POU3F3: variants seen among roughly 807,000 people sequenced by gnomAD.
POU3F3 encodes the protein POU domain, class 3, transcription factor 3.
Under a neutral mutation model 8.6 loss-of-function variants are expected in POU3F3, and 1 was observed. The ratio of observed to expected loss-of-function variants is 0.12; its 90% confidence interval spans 0.04 to 0.55. The LOEUF (loss-of-function observed/expected upper bound fraction) is 0.55. Ranked by LOEUF, POU3F3 falls within the 20% of genes least tolerant of loss-of-function variation. POU3F3 has a pLI of 0.91. For synonymous variants in POU3F3, 418 were observed against 327.4 expected, an observed-to-expected ratio of 1.28 and a Z score of -2.99; for missense variants, 577 against 690.7, an observed-to-expected ratio of 0.84 and a Z score of 1.84.
At chr2:104,923,583 C>A in the POU3F3 span, among the ~76,000 whole-genome samples, 1 of 151,990 alleles carries the variant, frequency 6.6e-6, no homozygotes, top group Non-Finnish European at 1.5e-5. Flanking sequence ...ACAAAAAAAT[C>A]AATTAACACA....
the POU3F3 span, among the ~76,000 whole-genome samples, chr2:104,911,494 C>T: frequency 6.6e-5 from 10 of 151,198 alleles, no homozygotes; most frequent in African/African-American, 2.2e-4. Flanking sequence ...AAGGGAGATG[C>T]TGCCTGTGAT....
the POU3F3 span, among the ~76,000 whole-genome samples, chr2:104,894,520 C>A: frequency 1.3e-5 from 2 of 152,158 alleles, no homozygotes; most frequent in Admixed American, 1.3e-4. Context: ...TCCCCTGTAG[C>A]CTGCCTGCAC....
chr2:104,926,150 C>T, the POU3F3 span: 1 of 152,186 alleles, frequency 6.6e-6, no homozygotes, highest in Non-Finnish European at 1.5e-5. Flanking sequence ...AAGAAACTCT[C>T]ATTGGAGTAA....
At chr2:104,904,683 G>C in the POU3F3 span, among the ~76,000 whole-genome samples, 1 of 152,116 alleles carries the variant, frequency 6.6e-6, no homozygotes, top group South Asian at 2.1e-4. Flanking sequence ...TTGTAGAAAG[G>C]CAAAGTCAAA....
chr2:104,871,192 T>C, the POU3F3 span, among the ~76,000 whole-genome samples: 5 of 152,338 alleles, frequency 3.3e-5, no homozygotes, highest in African/African-American at 1.2e-4. Flanking sequence ...CCAAGTACCA[T>C]ATATTGTGTA....
At chr2:104,915,727 G>A in the POU3F3 span, among the ~76,000 whole-genome samples, 16 of 151,894 alleles carry the variant, frequency 1.1e-4, no homozygotes, top group African/African-American at 3.4e-4. Flanking sequence ...ACCAATGAGA[G>A]GTTGTTTCTA....
Position 104,856,261 on chromosome 2 carries a change from G to A in POU3F3, c.751G>A (p.Ala251Thr), listed in dbSNP as rs1476070695. The A allele has an allele frequency of 1.4e-6, 2 of 1,403,768 alleles. No individual in the cohort carries two copies. The highest frequency in any genetic ancestry group is 1.8e-6 in the Non-Finnish European group (2 of 1,090,510). The allele number at this position is 1,403,768 out of a possible 1,614,324, so 87.0% of individuals were successfully genotyped here. A position where few individuals can be genotyped will look rare whatever the true frequency, so the allele number is the denominator to read the frequency against. The change falls in exon 1 of 1, where the codon GCC becomes ACC. Residue 251 changes from alanine (A) to threonine (T), a missense_variant. Transcript: ENST00000361360. ...GGGGGGAGGG[A>T]QSLVHPGLVR... is the part of the protein sequence containing the mutation. ...CGGCGGCGGCGGCGCGGGCGGTGGA[G>A]CCCAGAGCTTGGTGCACCCGGGGCT...
downstream of POU3F3, among the ~76,000 whole-genome samples, chr2:104,860,894 A>G (rs1676648699): frequency 6.6e-6 from 1 of 151,106 alleles, no homozygotes; most frequent in Non-Finnish European, 1.5e-5. Context: ...CCATGCTCAT[A>G]ATCTGTTTTG....
At chr2:104,921,089 A>G in the POU3F3 span, among the ~76,000 whole-genome samples, 2 of 152,154 alleles carry the variant, frequency 1.3e-5, no homozygotes, top group African/African-American at 4.8e-5. Context: ...TCTTTACTCT[A>G]TGAGATAGGG....
the POU3F3 span, chr2:104,867,251 GA>G: frequency 6.6e-6 from 1 of 152,276 alleles, no homozygotes; most frequent in East Asian, 1.9e-4. The surrounding 1 kb of genome is among the most constrained non-coding windows in gnomAD (Gnocchi z 5.0). Context: ...GAATCTCGCA[GA>G]AGGGGATCTG....
the POU3F3 span, among the ~76,000 whole-genome samples, chr2:104,888,365 A>G: frequency 6.6e-6 from 1 of 152,142 alleles, no homozygotes; most frequent in African/African-American, 2.4e-5. Flanking sequence ...TGAGATGAAA[A>G]CATTTCTGGA....
chr2:104,884,237 G>T, the POU3F3 span, among the ~76,000 whole-genome samples: 1 of 152,162 alleles, frequency 6.6e-6, no homozygotes, highest in Non-Finnish European at 1.5e-5. Flanking sequence ...TCTGGGGGTG[G>T]TATCAAAAGA....
chr2:104,902,149 C>T, the POU3F3 span, among the ~76,000 whole-genome samples: 1 of 152,200 alleles, frequency 6.6e-6, no homozygotes, highest in Admixed American at 6.5e-5. Context: ...CTCATCACTC[C>T]CTATTACCTG....
chr2:104,868,410 G>A, the POU3F3 span: 9 of 455,596 alleles, frequency 2.0e-5, no homozygotes, highest in African/African-American at 1.2e-4. Flanking sequence ...AGGGGTAGGC[G>A]TGGATGTAAA....
chr2:104,885,048 C>CA, the POU3F3 span, among the ~76,000 whole-genome samples: 28 of 151,802 alleles, frequency 1.8e-4, no homozygotes, highest in African/African-American at 5.1e-4. Context: ...CAGTCTGTGA[C>CA]AAAAAAATGT....
rs1271198416 is a variant in POU3F3 at position 104,857,004 on chromosome 2, C to T, written c.1494C>T (p.Ser498=). Residue 498 remains serine (S), a synonymous_variant, in exon 1 of 1, where the codon AGC becomes AGT. Transcript: ENST00000361360. ...CGCCTCACCACGGGCTGCAGACGAG[C>T]GTTCAGTGAAGCCAGGGCGCAGAGC... ...TPPPHHGLQT[S]VQ is the part of the protein sequence containing the mutation. 1 of 1,599,216 alleles carries T rather than the reference C, an allele frequency of 6.3e-7. No individual in the cohort carries two copies. The highest frequency in any genetic ancestry group is 1.3e-5 in the African/African-American group (1 of 74,636).
the POU3F3 span, among the ~76,000 whole-genome samples, chr2:104,919,477 G>A: frequency 6.6e-6 from 1 of 152,146 alleles, no homozygotes; most frequent in Non-Finnish European, 1.5e-5. Context: ...GCTTGGGCAG[G>A]CCAAACATCC....
chr2:104,909,728 G>A, the POU3F3 span, among the ~76,000 whole-genome samples: 1 of 152,218 alleles, frequency 6.6e-6, no homozygotes, highest in Non-Finnish European at 1.5e-5. Context: ...CAAAGCGCAA[G>A]TGACTGGTAA....
the POU3F3 span, among the ~76,000 whole-genome samples, chr2:104,912,205 A>G: frequency 5.9e-5 from 9 of 152,336 alleles, no homozygotes; most frequent in Admixed American, 2.6e-4. Context: ...TCGGGCAAGC[A>G]TCAAGCACAG....
Sources: gnomAD v4.1 joint callset for allele counts (sites outside exome capture counted in the v4.1 genomes callset) on GRCh38, gnomAD v4.1.1 for gene constraint, Gnocchi (gnomAD v3.1) non-coding constraint, MANE v1.5 for transcripts, NCBI Gene and HGNC (gene_info 2026-07-23, HGNC 2026-07-21) for gene names.